Variants in SLC26A8 observed in about 807,000 individuals in gnomAD.
The protein encoded by SLC26A8 is solute carrier family 26 member 8.
Under a neutral mutation model 105.0 loss-of-function variants are expected in SLC26A8, and 70 were observed. The ratio of observed to expected loss-of-function variants is 0.67; its 90% CI spans 0.55 to 0.81. SLC26A8 has a LOEUF of 0.81. Ranked by LOEUF, SLC26A8 falls within the 40% of genes least tolerant of loss-of-function variation. SLC26A8 has a pLI of 0.00. For missense variants in SLC26A8, 998 were observed against 1,181.8 expected, an observed-to-expected ratio of 0.84 and a Z score of 2.28; for synonymous variants, 415 against 438.3, an observed-to-expected ratio of 0.95 and a Z score of 0.66.
In SLC26A8 at chr6:35,955,405, T is replaced by A; in HGVS notation, c.1979A>T (p.Gln660Leu). The A allele has an allele frequency of 6.2e-7, 1 of 1,614,216 alleles. No homozygotes were observed. The highest frequency in any genetic ancestry group is 8.5e-7 in the Non-Finnish European group (1 of 1,180,038). Residue 660 changes from glutamine (Q) to leucine (L), a missense_variant, in exon 17 of 20, where the codon CAA (glutamine) becomes CTA (leucine). Coordinates refer to ENST00000490799, the MANE Select transcript of SLC26A8 (RefSeq NM_052961.4). ...CACGGACGATACTGTGTATGGCACT[T>A]GGTCTTCGGATGCAGTTTGGCTTGT... ...MNTSQTASED[Q>L]VPYTVSSVSQ... is the part of the protein sequence containing the mutation.
chr6:36,013,354 G>C (rs1761913959), intron 2 of SLC26A8, among the ~76,000 whole-genome samples: 2 of 152,066 alleles, frequency 1.3e-5, no homozygotes. Context: ...GCGCCACCAT[G>C]CCTGGCTAAT....
chr6:36,022,806 G>T (rs1295966276), intron 1 of SLC26A8, among the ~76,000 whole-genome samples: 2 of 151,598 alleles, frequency 1.3e-5, no homozygotes, highest in African/African-American at 4.8e-5. Flanking sequence ...AGAAATCCTA[G>T]TGGCTCATTT....
At chr6:35,952,035 G>A (rs1048938349) in intron 17 of SLC26A8, among the ~76,000 whole-genome samples, 3 of 152,210 alleles carry the variant, frequency 2.0e-5, no homozygotes, top group Non-Finnish European at 4.4e-5. Context: ...ACCGTGTCAT[G>A]TGAGGGTGGG....
intron 17 of SLC26A8, among the ~76,000 whole-genome samples, chr6:35,954,592 C>A (rs1311333734): frequency 6.6e-6 from 1 of 152,130 alleles, no homozygotes; most frequent in Non-Finnish European, 1.5e-5. Context: ...TTTTTCATTT[C>A]TTGAGAAATA....
Position 35,943,659 on chromosome 6 carries a change from C to A in SLC26A8, c.*241G>T. The A allele has an allele frequency of 1.9e-6, 1 of 518,250 alleles. No individual in the cohort carries two copies. The highest frequency in any genetic ancestry group is 3.4e-6 in the Non-Finnish European group (1 of 296,300). The allele number at this position is 518,250 out of a possible 1,614,324, so 32.1% of individuals were successfully genotyped here. A position where few individuals can be genotyped will look rare whatever the true frequency, so the allele number is the denominator to read the frequency against. On this transcript the variant is annotated 3_prime_UTR_variant, in exon 20 of 20. Coordinates refer to ENST00000490799, the MANE Select transcript of SLC26A8 (RefSeq NM_052961.4). ...AGGAAATTCATGACTAGAATATATG[C>A]TGAAGGTGAAATGAGGGGAGCCTGG...
At chr6:35,951,102 C>CCCCACCCCCCACAGCCCACAAAA in intron 19 of SLC26A8, 61 bp downstream of exon 19, 1 of 1,356,462 alleles carries the variant, frequency 7.4e-7, no homozygotes. Context: ...CCACCCCTCA[C>CCCCACCCCCCACAGCCCACAAAA]CCATCCCCCC....
chr6:36,014,610 G>A (rs767745728), intron 2 of SLC26A8, among the ~76,000 whole-genome samples: 91 of 152,200 alleles, frequency 6.0e-4, no homozygotes, highest in Non-Finnish European at 4.7e-4. Context: ...GGCCAGGTGC[G>A]GTGGCTCATG....
In SLC26A8 at chr6:35,979,007, A is replaced by ATTTTTTTT. The variant is rs34335766; in HGVS notation, c.1026-1664_1026-1657dup. ...AGATACATGCAACCACACCTGGCTAATTTTTTTTTTTTTTTTTTTTTTTTT... is the reference window on the plus strand; with the variant it reads ...AGATACATGCAACCACACCTGGCTAATTTTTTTTTTTTTTTTTTTTTTTTTTTTTTTTT... On this transcript the variant is annotated intron_variant, in intron 8 of 19. Transcript: ENST00000490799. 1.6e-4 allele frequency among the ~76,000 whole-genome samples: 16 copies of ATTTTTTTT among 98,348 alleles called. 1 individual carries two copies. The highest frequency in any genetic ancestry group is 2.7e-4 in the East Asian group (1 of 3,654). The allele number at this position is 98,348 out of a possible 152,430, so 64.5% of individuals were successfully genotyped here. A position where few individuals can be genotyped will look rare whatever the true frequency, so the allele number is the denominator to read the frequency against.
chr6:35,979,559 C>T (rs946867505), intron 8 of SLC26A8, among the ~76,000 whole-genome samples: 4 of 152,132 alleles, frequency 2.6e-5, no homozygotes, highest in African/African-American at 9.7e-5. Context: ...TAACTGAATG[C>T]TTACAGGTAG....
At chr6:35,987,496 C>G (rs904027069) in intron 7 of SLC26A8, among the ~76,000 whole-genome samples, 2 of 152,020 alleles carry the variant, frequency 1.3e-5, no homozygotes, top group African/African-American at 4.8e-5. Flanking sequence ...CTCAGCCTCC[C>G]GAGTAGCTGG....
chr6:35,977,441 TC>T (rs1773083164), intron 8 of SLC26A8, 90 bp from the exon 9 acceptor site: 60 of 1,276,180 alleles, frequency 4.7e-5, no homozygotes, highest in South Asian at 1.4e-4. Context: ...CTGTCCTGAT[TC>T]TTTTTTTTTT....
At chr6:36,011,689 TCTCGAC>T (rs1761860616) in intron 3 of SLC26A8, among the ~76,000 whole-genome samples, 1 of 152,092 alleles carries the variant, frequency 6.6e-6, no homozygotes, top group South Asian at 2.1e-4. Flanking sequence ...CTCACTACAG[TCTCGAC>T]CTCCTGGGCT....
chr6:35,966,645 T>C (rs978365380), intron 11 of SLC26A8, among the ~76,000 whole-genome samples: 1 of 152,220 alleles, frequency 6.6e-6, no homozygotes, highest in African/African-American at 2.4e-5. Flanking sequence ...GATCCTAGCC[T>C]GAATGCTCTA....
At chr6:35,960,945 G>A in intron 13 of SLC26A8, 33 bp from the exon 14 acceptor site, 1 of 1,614,010 alleles carries the variant, frequency 6.2e-7, no homozygotes. Context: ...TTAGGTCAGA[G>A]TTGGCTTACC....
chr6:35,991,825 T>C lies in SLC26A8; in HGVS notation c.793-17A>G. On this transcript the variant is annotated splice_polypyrimidine_tract_variant and intron_variant, in intron 6 of 19. Coordinates refer to ENST00000490799, the MANE Select transcript of SLC26A8 (RefSeq NM_052961.4). ...AATTATGTCCTGAAAGAAAATAAAA[T>C]TACGGAGGCTTAGAAAGGGATGTAG... 2 of 1,568,240 alleles carry C rather than the reference T, an allele frequency of 1.3e-6. No individual in the cohort carries two copies. The highest frequency in any genetic ancestry group is 8.6e-7 in the Non-Finnish European group (1 of 1,161,448).
chr6:36,015,448 CT>C (rs1193072139), intron 2 of SLC26A8, among the ~76,000 whole-genome samples: 1 of 152,080 alleles, frequency 6.6e-6, no homozygotes, highest in East Asian at 1.9e-4. Flanking sequence ...TGCTACCTTT[CT>C]GGTTAAAATT....
At chr6:36,004,219 T>C (rs2127361340) in intron 3 of SLC26A8, among the ~76,000 whole-genome samples, 1 of 151,492 alleles carries the variant, frequency 6.6e-6, no homozygotes, top group Non-Finnish European at 1.5e-5. Flanking sequence ...GGACTACAGG[T>C]ATGCACCACC....
At chr6:35,963,053 A>C (rs1484210740) in intron 11 of SLC26A8, among the ~76,000 whole-genome samples, 1 of 152,194 alleles carries the variant, frequency 6.6e-6, no homozygotes, top group African/African-American at 2.4e-5. Flanking sequence ...TGACTGATTC[A>C]GCCAGGAAAG....
At chr6:36,009,383 C>CAACAAA (rs375466184) in intron 3 of SLC26A8, among the ~76,000 whole-genome samples, 36 of 149,310 alleles carry the variant, frequency 2.4e-4, no homozygotes, top group African/African-American at 6.7e-4. Context: ...ACAACAACAA[C>CAACAAA]AAACCTGCAC....
Sources: gnomAD v4.1 joint callset for allele counts (sites outside exome capture counted in the v4.1 genomes callset) on GRCh38, gnomAD v4.1.1 for gene constraint, MANE v1.5 for transcripts, NCBI Gene and HGNC (gene_info 2026-07-23, HGNC 2026-07-21) for gene names.